The following NRXN3 variants were observed in gnomAD, a reference collection of about 807,000 sequenced individuals.
The protein encoded by NRXN3 is neurexin 3.
Under a neutral mutation model 137.6 loss-of-function variants are expected in NRXN3, and 32 were observed. The ratio of observed to expected loss-of-function variants is 0.23; its 90% confidence interval spans 0.18 to 0.31. The LOEUF is 0.31. Ranked by LOEUF, NRXN3 falls within the 10% of genes least tolerant of loss-of-function variation. NRXN3 has a pLI of 1.00. For missense variants in NRXN3, 1,574 were observed against 2,062.5 expected, an observed-to-expected ratio of 0.76 and a Z score of 4.59; for synonymous variants, 798 against 784.5, an observed-to-expected ratio of 1.02 and a Z score of -0.29.
At chr14:79,036,635 T>C (rs1284549896) in intron 15 of NRXN3, among the ~76,000 whole-genome samples, 1 of 128,458 alleles carries the variant, frequency 7.8e-6, no homozygotes, top group Non-Finnish European at 1.6e-5. Context: ...TTAAGGAAGT[T>C]ACAACAAGGA....
chr14:78,347,157 G>GATGCT (rs1390891258), intron 4 of NRXN3, among the ~76,000 whole-genome samples: 3 of 152,240 alleles, frequency 2.0e-5, no homozygotes, highest in Non-Finnish European at 4.4e-5. Flanking sequence ...GACAAATGCG[G>GATGCT]ATGCTGGGAG....
At chr14:79,192,081 G>T (rs941058534) in intron 15 of NRXN3, among the ~76,000 whole-genome samples, 2 of 152,116 alleles carry the variant, frequency 1.3e-5, no homozygotes, top group Non-Finnish European at 2.9e-5. Context: ...CAGAGATGGG[G>T]TTTCACCATA....
intron 15 of NRXN3, among the ~76,000 whole-genome samples, chr14:79,105,176 G>A (rs1022325222): frequency 6.6e-6 from 1 of 152,056 alleles, no homozygotes; most frequent in Non-Finnish European, 1.5e-5. Flanking sequence ...ACTTGATCAT[G>A]GCATAGATAT....
In NRXN3 at chr14:79,861,841, C is replaced by T. The variant is rs778637260; in HGVS notation, c.4593C>T (p.Asp1531=). ...GGGACGAGGGGTCCTATCAAGTGGA[C>T]GAGACGCGGAACTACATCAGCAACT... ...RNRDEGSYQV[D]ETRNYISNSA... is the part of the protein sequence containing the mutation. The change falls in exon 21 of 21, where the codon GAC becomes GAT. Residue 1531 remains aspartate, a synonymous_variant. Transcript: ENST00000335750. The surrounding 1 kb of genome is among the most constrained non-coding windows in gnomAD (Gnocchi z 5.4). 1.5e-5 allele frequency: 24 copies of T among 1,613,932 alleles called. No homozygotes were observed. Among genetic ancestry groups the T allele is most frequent in the Admixed American group, 3.3e-5 (2 of 59,972 alleles).
intron 19 of NRXN3, among the ~76,000 whole-genome samples, chr14:79,801,058 G>C (rs966483853): frequency 2.6e-5 from 4 of 152,190 alleles, no homozygotes; most frequent in Non-Finnish European, 4.4e-5. Context: ...TTGCATGCCA[G>C]GTTCTTGAGG....
At chr14:79,660,653 T>C (rs1441656331) in intron 16 of NRXN3, among the ~76,000 whole-genome samples, 1 of 152,208 alleles carries the variant, frequency 6.6e-6, no homozygotes, top group African/African-American at 2.4e-5. Context: ...CTGCTGTCAC[T>C]GAAAAGCTAC....
intron 10 of NRXN3, among the ~76,000 whole-genome samples, chr14:78,946,601 A>C (rs1003524102): frequency 6.6e-6 from 1 of 152,120 alleles, no homozygotes; most frequent in South Asian, 2.1e-4. Context: ...GTGGGGTGGT[A>C]ATTTCACTCT....
chr14:78,263,845 C>T (rs574443846), intron 2 of NRXN3, among the ~76,000 whole-genome samples: 9 of 149,540 alleles, frequency 6.0e-5, no homozygotes, highest in African/African-American at 9.9e-5. Flanking sequence ...TTTCACCATG[C>T]GCATTTTTAG....
chr14:79,017,998 G>T (rs2099582177), intron 15 of NRXN3, among the ~76,000 whole-genome samples: 1 of 151,974 alleles, frequency 6.6e-6, no homozygotes. Flanking sequence ...GGTGGCTCAT[G>T]ACTGTAATCC....
chr14:78,635,628 T>A (rs2097560763), intron 4 of NRXN3, among the ~76,000 whole-genome samples: 1 of 152,210 alleles, frequency 6.6e-6, no homozygotes, highest in Non-Finnish European at 1.5e-5. Context: ...TTTGTCCTTA[T>A]GAAGTCCACA....
chr14:78,578,732 C>T (rs1199201709), intron 4 of NRXN3, among the ~76,000 whole-genome samples: 1 of 151,978 alleles, frequency 6.6e-6, no homozygotes, highest in Non-Finnish European at 1.5e-5. Context: ...ATTTTTTACT[C>T]ACTTAGGGCT....
At chr14:78,254,880 A>G (rs1189649884) in intron 2 of NRXN3, among the ~76,000 whole-genome samples, 5 of 152,012 alleles carry the variant, frequency 3.3e-5, no homozygotes, top group South Asian at 4.2e-4. Flanking sequence ...AGGACATGAC[A>G]TGAAGCAGTA....
chr14:79,502,639 T>G (rs143995478), intron 16 of NRXN3, among the ~76,000 whole-genome samples: 231 of 152,130 alleles, frequency 1.5e-3, no homozygotes, highest in African/African-American at 5.1e-3. Flanking sequence ...CTCTTCTGTT[T>G]TGGTCAAGAT....
At chr14:79,853,172 T>C (rs2099395475) in intron 20 of NRXN3, among the ~76,000 whole-genome samples, 1 of 152,320 alleles carries the variant, frequency 6.6e-6, no homozygotes, top group Admixed American at 6.5e-5. Context: ...CCCTGCTTAG[T>C]AGTGCGTCTC....
chr14:78,596,605 A>G (rs545306529), intron 4 of NRXN3, among the ~76,000 whole-genome samples: 10 of 152,328 alleles, frequency 6.6e-5, no homozygotes, highest in African/African-American at 2.2e-4. Context: ...AATTTGCTGA[A>G]CCATTAGAAT....
chr14:79,776,046 C>G (rs1393721704), intron 19 of NRXN3, among the ~76,000 whole-genome samples: 1 of 152,046 alleles, frequency 6.6e-6, no homozygotes, highest in Non-Finnish European at 1.5e-5. Flanking sequence ...GAGAAATAAG[C>G]AAAATTCCTA....
chr14:78,484,048 A>AGG (rs2095521485), intron 4 of NRXN3, among the ~76,000 whole-genome samples: 1 of 149,618 alleles, frequency 6.7e-6, no homozygotes, highest in South Asian at 2.1e-4. Context: ...AGAGAGAGAG[A>AGG]GCAAAAAAAG....
chr14:79,108,133 T>C (rs1418107705), intron 15 of NRXN3, among the ~76,000 whole-genome samples: 1 of 152,190 alleles, frequency 6.6e-6, no homozygotes, highest in Admixed American at 6.5e-5. Flanking sequence ...TTAATGTGTA[T>C]GGGGACAGAA....
intron 20 of NRXN3, among the ~76,000 whole-genome samples, chr14:79,810,510 A>G (rs1005660572): frequency 2.0e-5 from 3 of 152,240 alleles, no homozygotes; most frequent in Non-Finnish European, 4.4e-5. Context: ...AATAATTGCT[A>G]TTCCCAGAGT....
Sources: gnomAD v4.1 joint callset for allele counts (sites outside exome capture counted in the v4.1 genomes callset) on GRCh38, gnomAD v4.1.1 for gene constraint, Gnocchi (gnomAD v3.1) non-coding constraint, MANE v1.5 for transcripts, NCBI Gene and HGNC (gene_info 2026-07-23, HGNC 2026-07-21) for gene names.